The following CERS6 variants were observed in gnomAD, a reference collection of about 807,000 sequenced individuals.
CERS6 encodes the protein ceramide synthase 6.
CERS6 carries 26 observed loss-of-function variants against 56.8 expected under a neutral mutation model. The observed-to-expected ratio is 0.46, with a 90% CI of 0.34 to 0.63. CERS6 has a LOEUF of 0.63. CERS6 is among the 30% of genes least tolerant of loss of function. The probability of loss-of-function intolerance (pLI) is 0.01; values close to 1 mark genes in which losing one functional copy is unlikely to be tolerated. For synonymous variants in CERS6, 164 were observed against 173.3 expected, an observed-to-expected ratio of 0.95 and a Z score of 0.42; for missense variants, 415 against 467.5, an observed-to-expected ratio of 0.89 and a Z score of 1.04.
chr2:168,562,606 C>G (rs762696825), intron 3 of CERS6, among the ~76,000 whole-genome samples: 1 of 152,194 alleles, frequency 6.6e-6, no homozygotes, highest in Non-Finnish European at 1.5e-5. Context: ...ACCCAAACAT[C>G]TCAGTGGAGT....
chr2:168,724,987 C>T (rs1683304748), intron 8 of CERS6, among the ~76,000 whole-genome samples: 1 of 152,168 alleles, frequency 6.6e-6, no homozygotes, highest in South Asian at 2.1e-4. Flanking sequence ...CACAGGAGCC[C>T]ACGGAGGGGG....
At chr2:168,639,560 T>C (rs1370643501) in intron 4 of CERS6, among the ~76,000 whole-genome samples, 1 of 152,200 alleles carries the variant, frequency 6.6e-6, no homozygotes, top group Non-Finnish European at 1.5e-5. Flanking sequence ...ACAAACCAGA[T>C]GTTCTTTACT....
intron 8 of CERS6, among the ~76,000 whole-genome samples, chr2:168,761,000 G>A (rs182691051): frequency 0.014 from 2,114 of 152,030 alleles, 59 homozygotes; most frequent in African/African-American, 0.046. Context: ...CTCGTGATCC[G>A]CCCGCCTCGG....
chr2:168,743,545 C>CTG (rs374702788), intron 8 of CERS6, among the ~76,000 whole-genome samples: 2 of 20,868 alleles, frequency 9.6e-5, no homozygotes, highest in East Asian at 1.5e-3. Flanking sequence ...TGAGGCGAGA[C>CTG]TGTCTCAAAA....
At chr2:168,583,645 A>G (rs1683473865) in intron 3 of CERS6, among the ~76,000 whole-genome samples, 1 of 152,198 alleles carries the variant, frequency 6.6e-6, no homozygotes, top group Admixed American at 6.5e-5. Flanking sequence ...TTGAACTATG[A>G]GAAGAAGATA....
intron 3 of CERS6, among the ~76,000 whole-genome samples, chr2:168,609,334 A>G (rs1005945316): frequency 6.6e-6 from 1 of 152,184 alleles, no homozygotes; most frequent in Non-Finnish European, 1.5e-5. Flanking sequence ...AAATCTTATG[A>G]TGAAATCTTT....
At chr2:168,752,586 G>A (rs1373042391) in intron 8 of CERS6, among the ~76,000 whole-genome samples, 1 of 152,162 alleles carries the variant, frequency 6.6e-6, no homozygotes, top group African/African-American at 2.4e-5. Flanking sequence ...TGTGGAAGCT[G>A]GTGATGGGGT....
At chr2:168,622,666 CAA>C (rs1311818711) in intron 3 of CERS6, among the ~76,000 whole-genome samples, 1 of 152,212 alleles carries the variant, frequency 6.6e-6, no homozygotes, top group Non-Finnish European at 1.5e-5. Context: ...CCTCCAACCT[CAA>C]AGACTTTGCA....
intron 1 of CERS6, among the ~76,000 whole-genome samples, chr2:168,508,445 C>G (rs911354357): frequency 6.6e-6 from 1 of 152,206 alleles, no homozygotes; most frequent in South Asian, 2.1e-4. Flanking sequence ...ACTTTTATCT[C>G]TGCCTTGGAG....
At chr2:168,566,561 A>G (rs2105385540) in intron 3 of CERS6, among the ~76,000 whole-genome samples, 1 of 152,262 alleles carries the variant, frequency 6.6e-6, no homozygotes, top group South Asian at 2.1e-4. Context: ...TCATGCTACT[A>G]ACTTGGTCAC....
intron 8 of CERS6, among the ~76,000 whole-genome samples, chr2:168,729,403 G>GCT (rs1683451002): frequency 6.6e-6 from 1 of 152,204 alleles, no homozygotes. Flanking sequence ...CCAGGCTAGT[G>GCT]CTCTCCATCC....
chr2:168,719,880 A>T (rs545866452), intron 8 of CERS6, among the ~76,000 whole-genome samples: 125 of 151,870 alleles, frequency 8.2e-4, no homozygotes, highest in African/African-American at 2.6e-3. Context: ...TTTTTTTTTT[A>T]AAAGATGAAA....
intron 8 of CERS6, among the ~76,000 whole-genome samples, chr2:168,752,146 A>G (rs967253371): frequency 2.0e-5 from 3 of 152,118 alleles, no homozygotes; most frequent in Non-Finnish European, 4.4e-5. Flanking sequence ...TATCTTAAGC[A>G]TGTGGATTAT....
intron 4 of CERS6, among the ~76,000 whole-genome samples, chr2:168,687,607 A>G (rs1574160742): frequency 6.6e-6 from 1 of 152,208 alleles, no homozygotes; most frequent in Non-Finnish European, 1.5e-5. Context: ...ATTAAATGAG[A>G]TGACACGTGT....
chr2:168,649,248 A>G (rs1198498732), intron 4 of CERS6, among the ~76,000 whole-genome samples: 2 of 151,748 alleles, frequency 1.3e-5, no homozygotes, highest in African/African-American at 4.9e-5. Flanking sequence ...TACTCCACTT[A>G]AAACAGAAGG....
chr2:168,669,520 A>G (rs1305227693), intron 4 of CERS6, among the ~76,000 whole-genome samples: 1 of 152,210 alleles, frequency 6.6e-6, no homozygotes, highest in African/African-American at 2.4e-5. Flanking sequence ...GGTGTAGGCA[A>G]TTAGAGGAGG....
intron 8 of CERS6, among the ~76,000 whole-genome samples, chr2:168,749,258 A>C (rs956384133): frequency 6.6e-6 from 1 of 150,670 alleles, no homozygotes; most frequent in Non-Finnish European, 1.5e-5. Context: ...CTATTTGTTT[A>C]AGTTGACCCC....
intron 1 of CERS6, among the ~76,000 whole-genome samples, chr2:168,534,960 C>T (rs563728220): frequency 3.9e-5 from 6 of 152,356 alleles, no homozygotes; most frequent in African/African-American, 1.2e-4. Flanking sequence ...GAAGCCCCAC[C>T]CAGTGAGGAT....
chr2:168,679,626 T>C (rs142437729), intron 4 of CERS6, among the ~76,000 whole-genome samples: 199 of 152,330 alleles, frequency 1.3e-3, no homozygotes, highest in African/African-American at 4.6e-3. Flanking sequence ...TTGAAAATAT[T>C]GTTCAGGGAG....
Sources: gnomAD v4.1 joint callset for allele counts (sites outside exome capture counted in the v4.1 genomes callset) on GRCh38, gnomAD v4.1.1 for gene constraint, MANE v1.5 for transcripts, NCBI Gene and HGNC (gene_info 2026-07-23, HGNC 2026-07-21) for gene names.